The following TBX19 variants were observed in gnomAD, a reference collection of about 807,000 sequenced individuals.
The protein encoded by TBX19 is T-box transcription factor TBX19.
A neutral mutation model predicts 40.9 loss-of-function variants in TBX19; 33 were observed. The ratio of observed to expected loss-of-function variants is 0.81; its 90% CI spans 0.61 to 1.08. The LOEUF is 1.08. Ranked by LOEUF, TBX19 falls within the 50% of genes least tolerant of loss-of-function variation. The pLI, the probability that TBX19 is intolerant of heterozygous loss-of-function variation, is 0.00. For synonymous variants in TBX19, 220 were observed against 225.0 expected (o/e 0.98, Z 0.20); for missense variants, 494 against 574.0 (o/e 0.86, Z 1.42).
At chr1:168,305,678 T>C (rs187263802) in intron 6 of TBX19, among the ~76,000 whole-genome samples, 12 of 152,358 alleles carry the variant, frequency 7.9e-5, no homozygotes, top group African/African-American at 1.9e-4. Flanking sequence ...TCTGATTCAG[T>C]TGGAGACATG....
intron 1 of TBX19, among the ~76,000 whole-genome samples, chr1:168,284,790 A>G (rs918213372): frequency 4.0e-5 from 6 of 151,062 alleles, no homozygotes; most frequent in Non-Finnish European, 7.4e-5. Flanking sequence ...AAAAAAAAAA[A>G]AAATCAAATC....
chr1:168,311,623 A>T (rs1159699417), intron 7 of TBX19, among the ~76,000 whole-genome samples: 1 of 152,202 alleles, frequency 6.6e-6, no homozygotes, highest in Non-Finnish European at 1.5e-5. Flanking sequence ...TGACTCCATA[A>T]ATATTTTGTT....
rs114031826 is a variant in TBX19, at chr1:168,303,783, C to T, written c.728-1225C>T. Among the ~76,000 whole-genome samples the T allele has an allele frequency of 8.1e-3, 1,237 of 152,248 alleles. 10 individuals are homozygous for T. The highest frequency in any genetic ancestry group is 0.014 in the Non-Finnish European group (927 of 68,010). The stretch of plus-strand genomic sequence containing the variant: ...GGGTTGATTTCTCCCCTTTTTAGAC[C>T]GCATAGGGTAACTTCCTGACATTGC... On this transcript the variant is annotated intron_variant, in intron 5 of 7. Transcript: ENST00000367821.
intron 5 of TBX19, among the ~76,000 whole-genome samples, chr1:168,304,256 C>T (rs1032175978): frequency 3.3e-5 from 5 of 152,148 alleles, no homozygotes; most frequent in African/African-American, 1.2e-4. Context: ...TTTTCAGAGG[C>T]AATTTCAGGG....
chr1:168,282,383 T>G (rs1648681434), intron 1 of TBX19, among the ~76,000 whole-genome samples: 1 of 152,180 alleles, frequency 6.6e-6, no homozygotes, highest in Admixed American at 6.5e-5. Context: ...AGTTATGAAC[T>G]CGAGAGCTGT....
At chr1:168,284,427 A>T (rs1648753016) in intron 1 of TBX19, among the ~76,000 whole-genome samples, 1 of 152,108 alleles carries the variant, frequency 6.6e-6, no homozygotes, top group South Asian at 2.1e-4. Flanking sequence ...GTGATCCCAG[A>T]ACTTTGGGAG....
chr1:168,298,505 A>G (rs1253183895), intron 4 of TBX19, among the ~76,000 whole-genome samples: 1 of 152,158 alleles, frequency 6.6e-6, no homozygotes, highest in African/African-American at 2.4e-5. Context: ...ACAGGTTCAC[A>G]TTTCCTCTGC....
At chr1:168,300,783 C>T (rs34286415) in intron 5 of TBX19, among the ~76,000 whole-genome samples, 7,036 of 152,210 alleles carry the variant, frequency 0.046, 190 homozygotes, top group East Asian at 0.12. Context: ...AGTGTGTTCT[C>T]GGCTTGCCTC....
intron 1 of TBX19, among the ~76,000 whole-genome samples, chr1:168,288,902 A>G (rs1316201167): frequency 6.6e-6 from 1 of 152,116 alleles, no homozygotes; most frequent in Non-Finnish European, 1.5e-5. Flanking sequence ...CTGGAACTAC[A>G]GGTGTGCACC....
At chr1:168,310,736 T>C (rs1649499798) in intron 7 of TBX19, among the ~76,000 whole-genome samples, 1 of 146,528 alleles carries the variant, frequency 6.8e-6, no homozygotes, top group Admixed American at 6.8e-5. Context: ...AAATATAATA[T>C]AGACTTATAT....
At position 168,313,028 on chromosome 1, in the gene TBX19, C is replaced by T. The variant is rs143627386; in HGVS notation, c.*26C>T. 1 of 1,613,628 alleles carries T rather than the reference C, an allele frequency of 6.2e-7. No individual in the cohort carries two copies. The highest frequency in any genetic ancestry group is 8.5e-7 in the Non-Finnish European group (1 of 1,179,742). On this transcript the variant is annotated 3_prime_UTR_variant, in exon 8 of 8. Transcript: ENST00000367821. Reference sequence around the variant, plus strand: ...GCAGGATCCTAGGAGCCTCTTTGCACAGCGATCCTTCCATGTGTAGAGTGC... The same window carrying T: ...GCAGGATCCTAGGAGCCTCTTTGCATAGCGATCCTTCCATGTGTAGAGTGC...
In TBX19 at chr1:168,312,953, G is replaced by C. The variant is rs753174094; in HGVS notation, c.1298G>C (p.Gly433Ala). The C allele has an allele frequency of 1.2e-6, 2 of 1,614,246 alleles. No homozygotes were observed. Among genetic ancestry groups the C allele is most frequent in the Non-Finnish European group, 1.7e-6 (2 of 1,180,044 alleles). ...GCCTCGCATCCCTTCGCGGGCTGGGGTGGCCCAGGAGCGGGTGGGCACCAT... is the reference window on the plus strand; with the variant it reads ...GCCTCGCATCCCTTCGCGGGCTGGGCTGGCCCAGGAGCGGGTGGGCACCAT... The part of the protein sequence containing the change: ...AVASHPFAGW[G>A]GPGAGGHHSP... Residue 433 changes from glycine to alanine, a missense_variant, in exon 8 of 8, where the codon GGT becomes GCT. Around this residue, in one of 3 missense-constraint regions of TBX19, gnomAD observed 284 missense variants for 307.3 expected, o/e 0.92. Coordinates refer to ENST00000367821, the MANE Select transcript of TBX19 (RefSeq NM_005149.3).
At chr1:168,301,465 ATAGGCCAGGCTGGTC>A (rs548269594) in intron 5 of TBX19, among the ~76,000 whole-genome samples, 107 of 152,224 alleles carry the variant, frequency 7.0e-4, no homozygotes, top group Non-Finnish European at 1.2e-3. Flanking sequence ...GTTTCACCAT[ATAGGCCAGGCTGGTC>A]TTGAACTCCT....
At chr1:168,289,317 C>T (rs1648882117) in intron 1 of TBX19, among the ~76,000 whole-genome samples, 1 of 152,102 alleles carries the variant, frequency 6.6e-6, no homozygotes, top group South Asian at 2.1e-4. Context: ...AAAAGGGAAT[C>T]GTTTAATCTG....
chr1:168,295,676 A>C (rs1009357835), intron 3 of TBX19, among the ~76,000 whole-genome samples: 1 of 152,188 alleles, frequency 6.6e-6, no homozygotes, highest in Admixed American at 6.5e-5. Flanking sequence ...TTTTGCAGAT[A>C]GCCCTCTCTC....
At chr1:168,290,055 G>T (rs780639996) in intron 1 of TBX19, among the ~76,000 whole-genome samples, 1 of 152,058 alleles carries the variant, frequency 6.6e-6, no homozygotes, top group Non-Finnish European at 1.5e-5. Flanking sequence ...TTAGCCAGGC[G>T]TGGTGGCACA....
rs138964039 is a variant in TBX19, at chr1:168,290,912, G to A, written c.204-248G>A. On this transcript the variant is annotated intron_variant, in intron 1 of 7. Coordinates refer to ENST00000367821, the MANE Select transcript of TBX19 (RefSeq NM_005149.3). Reference sequence around the variant, plus strand: ...GATACATCTTGGGCTTCAGGTTCCTGTTGTGTCAAATGACTCCATCAGTGG... The same window carrying A: ...GATACATCTTGGGCTTCAGGTTCCTATTGTGTCAAATGACTCCATCAGTGG... Among the ~76,000 whole-genome samples the A allele has an allele frequency of 2.6e-3, 394 of 152,272 alleles. 4 individuals are homozygous for A. The highest frequency in any genetic ancestry group is 9.1e-3 in the African/African-American group (377 of 41,540).
At chr1:168,282,409 T>C (rs1648683002) in intron 1 of TBX19, among the ~76,000 whole-genome samples, 2 of 152,216 alleles carry the variant, frequency 1.3e-5, no homozygotes. Context: ...GGCATTAAAA[T>C]GCTTTCTAAA....
chr1:168,300,311 T>A, intron 4 of TBX19, 111 bp from the exon 5 acceptor site: 1 of 1,011,714 alleles, frequency 9.9e-7, no homozygotes, highest in Non-Finnish European at 1.5e-6. Context: ...AGGTGTTTGG[T>A]TTTCTTATTC....
Sources: allele counts gnomAD v4.1 joint callset (sites outside exome capture counted in the v4.1 genomes callset), GRCh38; gene constraint gnomAD v4.1.1; regional missense constraint gnomAD v4.1.1; transcripts MANE v1.5; gene names NCBI Gene and HGNC (gene_info 2026-07-23, HGNC 2026-07-21).